PMEPA1: variants seen among roughly 807,000 people sequenced by gnomAD.
The protein encoded by PMEPA1 is protein TMEPAI.
In PMEPA1, 11 loss-of-function variants were observed where a neutral mutation model predicts 23.0. The ratio of observed to expected loss-of-function variants is 0.48; its 90% CI spans 0.30 to 0.79. PMEPA1 has a LOEUF of 0.79. Among genes scored for constraint, PMEPA1 ranks in the 30% least tolerant of loss-of-function variants. The probability of loss-of-function intolerance (pLI) is 0.06; values close to 1 mark genes in which losing one functional copy is unlikely to be tolerated. For missense variants in PMEPA1, 377 were observed against 390.9 expected (o/e 0.96, Z 0.30); for synonymous variants, 204 against 166.4 (o/e 1.23, Z -1.74).
At chr20:57,668,550 A>C (rs879635491) in intron 1 of PMEPA1, among the ~76,000 whole-genome samples, 6 of 152,180 alleles carry the variant, frequency 3.9e-5, no homozygotes, top group Admixed American at 1.3e-4. Context: ...CCAAACTCAC[A>C]GTGGGTGGAG....
chr20:57,676,545 G>A (rs529124741), intron 1 of PMEPA1, among the ~76,000 whole-genome samples: 14 of 152,328 alleles, frequency 9.2e-5, no homozygotes, highest in East Asian at 1.9e-4. Flanking sequence ...CAACTGGTAC[G>A]AAAAGAGGAA....
In PMEPA1 at chr20:57,699,814, C is replaced by T. The variant is rs546245297; in HGVS notation, c.109+9660G>A. ...GGCAAAGCTGGGAGAAGGTCAGGCTCACCTGAGCTCACCCTGTGACACACC... is the reference window on the plus strand; with the variant it reads ...GGCAAAGCTGGGAGAAGGTCAGGCTTACCTGAGCTCACCCTGTGACACACC... On this transcript the variant is annotated intron_variant, in intron 1 of 3. Coordinates refer to ENST00000341744, the MANE Select transcript of PMEPA1 (RefSeq NM_020182.5). Among the ~76,000 whole-genome samples the T allele has an allele frequency of 1.2e-4, 19 of 152,338 alleles. 1 individual carries two copies. In the South Asian group the frequency reaches 3.5e-3, roughly 28 times the overall value.
intron 1 of PMEPA1, among the ~76,000 whole-genome samples, chr20:57,691,319 C>T (rs1396345452): frequency 6.6e-6 from 1 of 152,216 alleles, no homozygotes; most frequent in African/African-American, 2.4e-5. Flanking sequence ...TGAGGGGAGC[C>T]TCCTTCTCCC....
At chr20:57,703,539 C>T (rs933201302) in intron 1 of PMEPA1, among the ~76,000 whole-genome samples, 10 of 152,276 alleles carry the variant, frequency 6.6e-5, no homozygotes, top group East Asian at 1.9e-4. Context: ...CTGGCAGACC[C>T]GAAGAGACCG....
intron 1 of PMEPA1, among the ~76,000 whole-genome samples, chr20:57,666,918 G>A (rs1052317592): frequency 1.3e-5 from 2 of 152,236 alleles, no homozygotes; most frequent in Non-Finnish European, 2.9e-5. Flanking sequence ...GCGAGGGGAC[G>A]GGCCTGGAAA....
rs913641807 is a variant in PMEPA1, at chr20:57,656,544, C to T, written c.264+2999G>A. On this transcript the variant is annotated intron_variant, in intron 2 of 3. Transcript: ENST00000341744. This position sits in a 1 kb window ranked among gnomAD's most constrained non-coding sequence, Gnocchi z 4.7. ...CGTGGCTGGGCGGTCACTGCAGTGA[C>T]GTTCTGCATCATGTCCCGAATACCC... Among the ~76,000 whole-genome samples, 4 of 152,136 alleles carry T rather than the reference C, an allele frequency of 2.6e-5. No homozygotes were observed. The highest frequency in any genetic ancestry group is 6.5e-5 in the Admixed American group (1 of 15,284).
chr20:57,654,956 C>G lies in PMEPA1; in HGVS notation c.265-1870G>C, dbSNP rs542308690. ...CTCCCTCATGCCCCCCACCCCACAC[C>G]CTGCCACTCCTCTGCTTAAACCGTC... On this transcript the variant is annotated intron_variant, in intron 2 of 3. Transcript: ENST00000341744. Among the ~76,000 whole-genome samples the G allele has an allele frequency of 2.0e-5, 3 of 152,090 alleles. No individual in the cohort carries two copies. In the South Asian group the frequency reaches 6.2e-4, roughly 32 times the overall value.
At chr20:57,662,228 C>T (rs987420501) in intron 1 of PMEPA1, among the ~76,000 whole-genome samples, 13 of 152,352 alleles carry the variant, frequency 8.5e-5, no homozygotes, top group East Asian at 3.9e-4. Context: ...CTGTGGTAAC[C>T]GTCCTGCACC....
chr20:57,700,618 C>T (rs943475074), intron 1 of PMEPA1, among the ~76,000 whole-genome samples: 1 of 152,128 alleles, frequency 6.6e-6, no homozygotes, highest in Admixed American at 6.5e-5. Context: ...ATCCACCATC[C>T]AGATCCCAGA....
intron 1 of PMEPA1, among the ~76,000 whole-genome samples, chr20:57,695,117 G>A (rs899797007): frequency 8.5e-5 from 13 of 152,240 alleles, no homozygotes; most frequent in African/African-American, 2.9e-4. Context: ...AGGCAGCCTC[G>A]GCGTTTGCCG....
chr20:57,659,521 G>T (rs1219129104), intron 2 of PMEPA1, 22 bp downstream of exon 2: 4 of 1,610,764 alleles, frequency 2.5e-6, no homozygotes, highest in Non-Finnish European at 3.4e-6. Flanking sequence ...TCAGGCCACA[G>T]ATGGGATGGC....
At chr20:57,671,474 C>T (rs2071567653) in intron 1 of PMEPA1, among the ~76,000 whole-genome samples, 1 of 152,078 alleles carries the variant, frequency 6.6e-6, no homozygotes, top group South Asian at 2.1e-4. Context: ...GCAAGTTCAA[C>T]TTCCAGAATC....
rs2071226731 is a variant in PMEPA1, at chr20:57,651,447, C to T, written c.*606G>A. 6.6e-6 allele frequency: 1 copy of T among 152,630 alleles called. No homozygotes were observed. The highest frequency in any genetic ancestry group is 1.5e-5 in the Non-Finnish European group (1 of 68,032). The allele number at this position is 152,630 out of a possible 1,614,324, so 9.5% of individuals were successfully genotyped here. ...TATATTAAAAAATAGTGCAAAATCT[C>T]AACATTTATATAAATAACTCTAAAC... On this transcript the variant is annotated 3_prime_UTR_variant, in exon 4 of 4. Coordinates refer to ENST00000341744, the MANE Select transcript of PMEPA1 (RefSeq NM_020182.5).
At chr20:57,707,473 C>T (rs1261560717) in intron 1 of PMEPA1, among the ~76,000 whole-genome samples, 1 of 152,186 alleles carries the variant, frequency 6.6e-6, no homozygotes, top group Non-Finnish European at 1.5e-5. Context: ...CCAGCTGGAA[C>T]AGGCTAGGGT....
chr20:57,648,819 G>A lies in PMEPA1; in HGVS notation c.*3234C>T, dbSNP rs1017241472. On this transcript the variant is annotated 3_prime_UTR_variant, in exon 4 of 4. Coordinates refer to ENST00000341744, the MANE Select transcript of PMEPA1 (RefSeq NM_020182.5). The stretch of plus-strand genomic sequence containing the variant: ...GATATTTTATGGTTCTGGAAGCTTC[G>A]TGTTGCACATAGGAAAAAAAATTTC... 3.9e-5 allele frequency: 6 copies of A among 152,220 alleles called. No homozygotes were observed. Among genetic ancestry groups the A allele is most frequent in the African/African-American group, 1.2e-4 (5 of 41,526 alleles). 9.4% of individuals were successfully genotyped at this position (152,220 alleles called of 1,614,324 possible). A position where few individuals can be genotyped will look rare whatever the true frequency, so the allele number is the denominator to read the frequency against.
At chr20:57,675,465 G>C (rs1395091214) in intron 1 of PMEPA1, among the ~76,000 whole-genome samples, 4 of 152,228 alleles carry the variant, frequency 2.6e-5, no homozygotes, top group Non-Finnish European at 5.9e-5. Context: ...CCCCAACCAT[G>C]CCAACTTGCT....
In PMEPA1 at chr20:57,652,392, C is replaced by T; in HGVS notation, c.525G>A (p.Gln175=). 1.2e-6 allele frequency: 2 copies of T among 1,613,826 alleles called. No individual in the cohort carries two copies. ...CTLQLRDPEQ[Q]LELNRESVRA... ...GCACCGACTCCCGGTTCAGTTCCAG[C>T]TGCTGCTCGGGGTCCCGAAGCTGGA... The change falls in exon 4 of 4, where the codon CAG becomes CAA. Residue 175 remains glutamine, a synonymous_variant. Transcript: ENST00000341744. The surrounding 1 kb of genome is among the most constrained non-coding windows in gnomAD (Gnocchi z 6.1).
chr20:57,681,402 C>T (rs1257732516), intron 1 of PMEPA1, among the ~76,000 whole-genome samples: 1 of 152,150 alleles, frequency 6.6e-6, no homozygotes, highest in East Asian at 1.9e-4. Context: ...GGGGTTGCCC[C>T]GGAGCCAGTC....
chr20:57,660,611 CT>C (rs567032271), intron 1 of PMEPA1, among the ~76,000 whole-genome samples: 1 of 145,822 alleles, frequency 6.9e-6, no homozygotes, highest in East Asian at 2.0e-4. Context: ...ACACGTACCC[CT>C]AACACTCCTA....
Sources: allele counts gnomAD v4.1 joint callset (sites outside exome capture counted in the v4.1 genomes callset), GRCh38; gene constraint gnomAD v4.1.1; non-coding constraint Gnocchi (gnomAD v3.1); transcripts MANE v1.5; gene names NCBI Gene and HGNC (gene_info 2026-07-23, HGNC 2026-07-21).